TNFSF11: variants seen among roughly 807,000 people sequenced by gnomAD.
The protein encoded by TNFSF11 is tumor necrosis factor ligand superfamily member 11.
In TNFSF11, 12 loss-of-function variants were observed where a neutral mutation model predicts 32.2. That is an observed-to-expected ratio of 0.37 (90% CI 0.24 to 0.60). The LOEUF is 0.60. TNFSF11 is among the 20% of genes least tolerant of loss of function. TNFSF11 has a pLI of 0.66. For missense variants in TNFSF11, 345 were observed against 398.0 expected (o/e 0.87, Z 1.13); for synonymous variants, 172 against 152.1 (o/e 1.13, Z -0.96).
intron 3 of TNFSF11, 36 bp downstream of exon 3, chr13:42,600,833 C>T: frequency 1.2e-6 from 2 of 1,614,050 alleles, no homozygotes; most frequent in Non-Finnish European, 1.7e-6. Flanking sequence ...TGAAATCCCA[C>T]AGGGTCACTA....
intron 2 of TNFSF11, among the ~76,000 whole-genome samples, chr13:42,568,343 C>T (rs1292117185): frequency 1.3e-5 from 2 of 152,206 alleles, no homozygotes; most frequent in African/African-American, 4.8e-5. Flanking sequence ...GCTGCCCTTC[C>T]TGCCTGCAGG....
At chr13:42,579,644 T>A (rs1873499762) in intron 1 of TNFSF11, among the ~76,000 whole-genome samples, 2 of 149,564 alleles carry the variant, frequency 1.3e-5, no homozygotes, top group African/African-American at 4.9e-5. Flanking sequence ...CCAGTGACCC[T>A]TCATATCAGT....
chr13:42,599,850 A>G (rs1438661093), intron 2 of TNFSF11, among the ~76,000 whole-genome samples: 1 of 152,118 alleles, frequency 6.6e-6, no homozygotes. Flanking sequence ...GATGATGGGT[A>G]TATAATAGAC....
chr13:42,580,731 A>G (rs1230630248), intron 1 of TNFSF11, among the ~76,000 whole-genome samples: 2 of 152,114 alleles, frequency 1.3e-5, no homozygotes, highest in African/African-American at 4.8e-5. Context: ...CCCATCTAGC[A>G]TGTTGCATAT....
rs1873608876 is a variant in TNFSF11 at position 42,581,383 on chromosome 13, C to A, written c.387+90C>A. 23 of 1,380,746 alleles carry A rather than the reference C, an allele frequency of 1.7e-5. 1 individual carries two copies. The South Asian group carries it at 2.6e-4, about 16-fold the overall frequency. 85.5% of individuals were successfully genotyped at this position (1,380,746 alleles called of 1,614,324 possible). A position where few individuals can be genotyped will look rare whatever the true frequency, so the allele number is the denominator to read the frequency against. ...AACTGGCTAAGTGCTGTTGACTCTG[C>A]TCTTTTTATTCTAATAATTTGTAAA... On this transcript the variant is annotated intron_variant, in intron 2 of 4. Transcript: ENST00000398795.
chr13:42,581,725 A>G (rs1333903709), intron 2 of TNFSF11, among the ~76,000 whole-genome samples: 1 of 152,110 alleles, frequency 6.6e-6, no homozygotes, highest in Non-Finnish European at 1.5e-5. Flanking sequence ...CTGTTGATCC[A>G]GGGCTCTGAT....
At chr13:42,576,737 C>G (rs182297244) in intron 1 of TNFSF11, among the ~76,000 whole-genome samples, 1 of 152,116 alleles carries the variant, frequency 6.6e-6, no homozygotes, top group African/African-American at 2.4e-5. Context: ...CAATTGTTAC[C>G]CAAAGGAGTC....
intron 2 of TNFSF11, among the ~76,000 whole-genome samples, chr13:42,597,246 C>G (rs346604): frequency 6.6e-6 from 1 of 151,594 alleles, no homozygotes; most frequent in Admixed American, 6.6e-5. Context: ...AATTGCAATC[C>G]TTCAACACCC....
At chr13:42,578,288 G>A (rs1027325283) in intron 1 of TNFSF11, among the ~76,000 whole-genome samples, 4 of 152,196 alleles carry the variant, frequency 2.6e-5, no homozygotes, top group African/African-American at 7.2e-5. Context: ...CAGTCAGTTC[G>A]TGGGCATTTG....
rs1869529230 is a variant in TNFSF11, at chr13:42,607,513, T to C, written c.*595T>C. On this transcript the variant is annotated 3_prime_UTR_variant, in exon 5 of 5. Transcript: ENST00000398795. Reference sequence around the variant, plus strand: ...CTGTTGACATATTTAATGTTTTAAATGTACAGACATATTTAACTGGTGCAC... The same window carrying C: ...CTGTTGACATATTTAATGTTTTAAACGTACAGACATATTTAACTGGTGCAC... 1 of 152,862 alleles carries C rather than the reference T, an allele frequency of 6.5e-6. No homozygotes were observed. Among genetic ancestry groups the C allele is most frequent in the African/African-American group, 2.4e-5 (1 of 41,462 alleles). 9.5% of individuals were successfully genotyped at this position (152,862 alleles called of 1,614,324 possible).
intron 1 of TNFSF11, among the ~76,000 whole-genome samples, chr13:42,578,738 A>G (rs1158528728): frequency 6.6e-6 from 1 of 152,172 alleles, no homozygotes; most frequent in Admixed American, 6.5e-5. Flanking sequence ...GGGGTGGGGT[A>G]GGAATGAGAT....
chr13:42,594,206 G>GA (rs1186914120), intron 2 of TNFSF11, among the ~76,000 whole-genome samples: 1 of 151,958 alleles, frequency 6.6e-6, no homozygotes, highest in African/African-American at 2.4e-5. Flanking sequence ...AGCCTCCCGA[G>GA]TACCTGGGAT....
chr13:42,592,033 G>A (rs958327435), intron 2 of TNFSF11, among the ~76,000 whole-genome samples: 2 of 152,154 alleles, frequency 1.3e-5, no homozygotes, highest in East Asian at 1.9e-4. Context: ...AGGGGATTTC[G>A]GAGTGGTAAC....
upstream of TNFSF11, among the ~76,000 whole-genome samples, chr13:42,572,003 T>C (rs1395666700): frequency 2.0e-5 from 3 of 152,226 alleles, no homozygotes; most frequent in Non-Finnish European, 2.9e-5. Flanking sequence ...ATATGGAGTT[T>C]ATCTATTAGT....
upstream of TNFSF11, among the ~76,000 whole-genome samples, chr13:42,573,174 T>C (rs906304778): frequency 3.9e-5 from 6 of 151,972 alleles, no homozygotes; most frequent in African/African-American, 9.7e-5. Context: ...TTTTTTTTTT[T>C]CAAATATTTT....
chr13:42,587,361 A>C (rs929397065), intron 2 of TNFSF11, among the ~76,000 whole-genome samples: 1 of 152,328 alleles, frequency 6.6e-6, no homozygotes, highest in African/African-American at 2.4e-5. Context: ...GTTGCCTATA[A>C]CTAATAGGCA....
rs780113615 is a variant in TNFSF11 at position 42,606,858 on chromosome 13, A to C, written c.894A>C (p.Leu298Phe). ...EISIEVSNPS[L>F]LDPDQDATYF... The stretch of plus-strand genomic sequence containing the variant: ...GCATCGAGGTCTCCAACCCCTCCTT[A>C]CTGGATCCGGATCAGGATGCAACAT... Residue 298 changes from leucine (L) to phenylalanine (F), a missense_variant, in exon 5 of 5, where the codon TTA becomes TTC. Around this residue, in one of 2 missense-constraint regions of TNFSF11, gnomAD observed 148 missense variants for 216.0 expected, o/e 0.69. Transcript: ENST00000398795. The C allele has an allele frequency of 3.1e-6, 5 of 1,614,092 alleles. No homozygotes were observed. Among genetic ancestry groups the C allele is most frequent in the Admixed American group, 1.7e-5 (1 of 60,008 alleles).
chr13:42,585,551 T>G (rs991826536), intron 2 of TNFSF11, among the ~76,000 whole-genome samples: 2 of 152,192 alleles, frequency 1.3e-5, no homozygotes, highest in Admixed American at 6.5e-5. Context: ...TTATAAAGTC[T>G]ATCATAACAG....
rs114040340 is a variant in TNFSF11 at position 42,576,360 on chromosome 13, C to T, written c.219+1838C>T. ...CTTTTCCCTAGGAATTCTCGGTGGT[C>T]CCCGTGGGTGAGGAGTCAGGGCTTT... On this transcript the variant is annotated intron_variant, in intron 1 of 4. Transcript: ENST00000398795. 7.2e-3 allele frequency among the ~76,000 whole-genome samples: 1,093 copies of T among 151,962 alleles called. 11 individuals carry two copies. Among genetic ancestry groups the T allele is most frequent in the African/African-American group, 0.025 (1,040 of 41,406 alleles).
Sources: allele counts gnomAD v4.1 joint callset (sites outside exome capture counted in the v4.1 genomes callset), GRCh38; gene constraint gnomAD v4.1.1; regional missense constraint gnomAD v4.1.1; transcripts MANE v1.5; gene names NCBI Gene and HGNC (gene_info 2026-07-23, HGNC 2026-07-21).